ANK3: variants seen among roughly 807,000 people sequenced by gnomAD.
ANK3 encodes the protein ankyrin-3.
A neutral mutation model predicts 370.9 loss-of-function variants in ANK3; 57 were observed. The ratio of observed to expected loss-of-function variants is 0.15; its 90% CI spans 0.12 to 0.19. The LOEUF (loss-of-function observed/expected upper bound fraction) is 0.19. Among genes scored for constraint, ANK3 ranks in the 10% least tolerant of loss-of-function variants. The pLI, the probability that ANK3 is intolerant of heterozygous loss-of-function variation, is 1.00. For synonymous variants in ANK3, 1,929 were observed against 1,946.3 expected (o/e 0.99, Z 0.23); for missense variants, 4,439 against 5,302.1 (o/e 0.84, Z 5.06).
At chr10:60,576,586 A>C (rs1013993715) in intron 2 of ANK3, among the ~76,000 whole-genome samples, 1 of 152,228 alleles carries the variant, frequency 6.6e-6, no homozygotes, top group African/African-American at 2.4e-5. Flanking sequence ...CTATATGAAT[A>C]GGCTAATTTT....
intron 28 of ANK3, among the ~76,000 whole-genome samples, chr10:60,102,159 G>A (rs901637289): frequency 3.4e-5 from 5 of 149,068 alleles, no homozygotes; most frequent in African/African-American, 5.0e-5. Flanking sequence ...AACCTTGTAG[G>A]TACACAGGTT....
chr10:60,069,656 G>A lies in ANK3; in HGVS notation c.11225C>T (p.Thr3742Ile), dbSNP rs747626239. 1.9e-6 allele frequency: 3 copies of A among 1,613,990 alleles called. No homozygotes were observed. Among genetic ancestry groups the A allele is most frequent in the Non-Finnish European group, 1.7e-6 (2 of 1,179,956 alleles). Reference sequence around the variant, plus strand: ...GGTCATCACCGCTTCTATCTTATCTGTTATTTCTCCAGGGCCTTCTTTCTT... The same window carrying A: ...GGTCATCACCGCTTCTATCTTATCTATTATTTCTCCAGGGCCTTCTTTCTT... Reference protein sequence around the residue: ...TMKKEGPGEITDKIEAVMTSC... With the variant: ...TMKKEGPGEIIDKIEAVMTSC... The change falls in exon 37 of 44, where the codon ACA (threonine) becomes ATA (isoleucine). Residue 3742 changes from threonine to isoleucine, a missense_variant. Physicochemically the swap from Thr to Ile is moderately conservative, Grantham distance 89. Coordinates refer to ENST00000280772, the MANE Select transcript of ANK3 (RefSeq NM_020987.5).
At chr10:60,616,822 C>A (rs557794733) in intron 1 of ANK3, among the ~76,000 whole-genome samples, 84 of 152,276 alleles carry the variant, frequency 5.5e-4, no homozygotes, top group African/African-American at 1.9e-3. Context: ...ACAGTGTAGG[C>A]AAGTGCCCAT....
rs938051183 is a variant in ANK3 at position 60,058,822 on chromosome 10, C to T, written c.12686+518G>A. On this transcript the variant is annotated intron_variant, in intron 41 of 43. Transcript: ENST00000280772. ...AGGCTGGAGTGCAGTGGTGTGATCT[C>T]AGCTCACTGCAACCTCCACCCTCAT... Among the ~76,000 whole-genome samples the T allele has an allele frequency of 5.3e-5, 8 of 152,256 alleles. No homozygotes were observed. The South Asian group carries it at 1.2e-3, about 24-fold the overall frequency.
intron 23 of ANK3, among the ~76,000 whole-genome samples, chr10:60,142,701 T>C (rs1047472101): frequency 6.6e-6 from 1 of 151,718 alleles, no homozygotes; most frequent in African/African-American, 2.4e-5. Flanking sequence ...GGAGTGGGAG[T>C]TGTCAACACA....
At chr10:60,664,585 A>T (rs2078974059) in intron 1 of ANK3, among the ~76,000 whole-genome samples, 1 of 152,196 alleles carries the variant, frequency 6.6e-6, no homozygotes. Context: ...AAAACAAACC[A>T]ATGCAGGCCA....
rs373249278 is a variant in ANK3, at chr10:60,197,894, CAAT to C, written c.1689+443_1689+445del. On this transcript the variant is annotated intron_variant, in intron 14 of 43. Coordinates refer to ENST00000280772, the MANE Select transcript of ANK3 (RefSeq NM_020987.5). ...AAATCAAACCATAAGTCAGACAAGACAATAATGACACAAAAAAGAACAAGAACA... is the reference window on the plus strand; with the variant it reads ...AAATCAAACCATAAGTCAGACAAGACAATGACACAAAAAAGAACAAGAACA... Among the ~76,000 whole-genome samples, 99 of 152,170 alleles carry C rather than the reference CAAT, an allele frequency of 6.5e-4. No individual in the cohort carries two copies. The South Asian group carries it at 1.0e-2, about 15-fold the overall frequency.
At chr10:60,548,857 G>T (rs2077029903) in intron 2 of ANK3, among the ~76,000 whole-genome samples, 1 of 151,968 alleles carries the variant, frequency 6.6e-6, no homozygotes, top group South Asian at 2.1e-4. Flanking sequence ...CACTATTATG[G>T]CTAGGAAAGC....
chr10:60,661,421 C>T (rs1385225096), intron 1 of ANK3, among the ~76,000 whole-genome samples: 1 of 152,006 alleles, frequency 6.6e-6, no homozygotes, highest in Admixed American at 6.6e-5. Flanking sequence ...GGAGTCCTTC[C>T]AATTCATAAA....
At chr10:60,315,212 A>G (rs559512048) in intron 1 of ANK3, among the ~76,000 whole-genome samples, 1 of 152,346 alleles carries the variant, frequency 6.6e-6, no homozygotes, top group East Asian at 1.9e-4. Flanking sequence ...ATAAATAAGT[A>G]GTAGCTATGA....
Position 60,188,373 on chromosome 10 carries a change from C to T in ANK3, c.1888-1461G>A, listed in dbSNP as rs116794423. Among the ~76,000 whole-genome samples the T allele has an allele frequency of 4.0e-3, 614 of 152,248 alleles. 3 individuals carry two copies. Among genetic ancestry groups the T allele is most frequent in the African/African-American group, 0.014 (563 of 41,526 alleles). The stretch of plus-strand genomic sequence containing the variant: ...CAAGAAGTGTAAGATTACACTTTGA[C>T]ATGGACATAAACCTGAGTATGTAAA... On this transcript the variant is annotated intron_variant, in intron 16 of 43. Coordinates refer to ENST00000280772, the MANE Select transcript of ANK3 (RefSeq NM_020987.5).
chr10:60,469,243 C>T (rs2065112640), intron 2 of ANK3, among the ~76,000 whole-genome samples: 2 of 124,792 alleles, frequency 1.6e-5, no homozygotes, highest in Non-Finnish European at 3.3e-5. Context: ...ATATATACCA[C>T]TTTTAGTGTG....
chr10:60,715,215 A>ATGTGTG (rs5785463), intron 1 of ANK3, among the ~76,000 whole-genome samples: 10,009 of 147,172 alleles, frequency 0.068, 394 homozygotes, highest in Non-Finnish European at 0.095. Flanking sequence ...ACATATACAA[A>ATGTGTG]TGTGTGTGTG....
intron 1 of ANK3, among the ~76,000 whole-genome samples, chr10:60,332,533 C>T (rs926232776): frequency 6.6e-6 from 1 of 152,136 alleles, no homozygotes; most frequent in Admixed American, 6.5e-5. Flanking sequence ...AGTCACCTCC[C>T]AGTTGGCCCA....
At chr10:60,631,704 T>A (rs1048120566) in intron 1 of ANK3, among the ~76,000 whole-genome samples, 1 of 152,066 alleles carries the variant, frequency 6.6e-6, no homozygotes. Context: ...AGACAAATAA[T>A]ACTTGTGTGA....
At chr10:60,618,987 C>T (rs1248600532) in intron 1 of ANK3, among the ~76,000 whole-genome samples, 2 of 152,030 alleles carry the variant, frequency 1.3e-5, no homozygotes. Flanking sequence ...GCTTCATAAT[C>T]AAAGTTGACC....
chr10:60,315,410 C>G (rs1056876163), intron 1 of ANK3, among the ~76,000 whole-genome samples: 3 of 152,078 alleles, frequency 2.0e-5, no homozygotes, highest in Admixed American at 6.5e-5. Flanking sequence ...CCAGTAAATG[C>G]AATGACCCTT....
At chr10:60,420,069 T>G (rs988761419) in intron 2 of ANK3, among the ~76,000 whole-genome samples, 2 of 152,084 alleles carry the variant, frequency 1.3e-5, no homozygotes, top group Non-Finnish European at 2.9e-5. Context: ...AAGCAAAACA[T>G]TGTACTGGCT....
At chr10:60,286,211 T>G (rs954946038) in intron 1 of ANK3, among the ~76,000 whole-genome samples, 3 of 152,198 alleles carry the variant, frequency 2.0e-5, no homozygotes, top group African/African-American at 7.2e-5. Context: ...AGGCATCCTC[T>G]GTTTTAGTTA....
Sources: allele counts gnomAD v4.1 joint callset (sites outside exome capture counted in the v4.1 genomes callset), GRCh38; gene constraint gnomAD v4.1.1; transcripts MANE v1.5; gene names NCBI Gene and HGNC (gene_info 2026-07-23, HGNC 2026-07-21).